Variants in ANTXR1 observed in about 807,000 individuals in gnomAD.
ANTXR1 encodes anthrax toxin receptor 1.
Under a neutral mutation model 78.1 loss-of-function variants are expected in ANTXR1, and 19 were observed. That is an observed-to-expected ratio of 0.24 (90% CI 0.17 to 0.36). The LOEUF (loss-of-function observed/expected upper bound fraction) is 0.36, where lower values mean the gene tolerates loss of function less well. Among genes scored for constraint, ANTXR1 ranks in the 10% least tolerant of loss-of-function variants. ANTXR1 has a pLI of 1.00. For missense variants in ANTXR1, 518 were observed against 718.6 expected, an observed-to-expected ratio of 0.72 and a Z score of 3.19; for synonymous variants, 273 against 260.5, an observed-to-expected ratio of 1.05 and a Z score of -0.46.
intron 3 of ANTXR1, among the ~76,000 whole-genome samples, chr2:69,068,672 A>G (rs1299810895): frequency 6.6e-6 from 1 of 152,150 alleles, no homozygotes; most frequent in African/African-American, 2.4e-5. Context: ...CCCAGGTGTA[A>G]TGGGTTGGTG....
intron 13 of ANTXR1, among the ~76,000 whole-genome samples, chr2:69,158,742 T>A (rs1673596675): frequency 6.6e-6 from 1 of 152,262 alleles, no homozygotes; most frequent in South Asian, 2.1e-4. Context: ...TAGACTGATG[T>A]CAGTGTTCTG....
intron 10 of ANTXR1, among the ~76,000 whole-genome samples, chr2:69,117,641 A>G (rs1672192223): frequency 1.3e-5 from 2 of 152,344 alleles, no homozygotes; most frequent in South Asian, 4.1e-4. Context: ...CTCTGATTTT[A>G]AACCATACAT....
chr2:69,029,777 G>A (rs1573785935), intron 1 of ANTXR1, among the ~76,000 whole-genome samples: 1 of 151,924 alleles, frequency 6.6e-6, no homozygotes, highest in East Asian at 1.9e-4. Flanking sequence ...CATCGGAATG[G>A]AAAATATATG....
intron 10 of ANTXR1, among the ~76,000 whole-genome samples, chr2:69,110,650 G>A (rs1013474911): frequency 6.6e-6 from 1 of 152,196 alleles, no homozygotes; most frequent in African/African-American, 2.4e-5. Flanking sequence ...CAAGGTCTCC[G>A]GAGATGGAGA....
chr2:69,082,336 C>G (rs1392622779), intron 8 of ANTXR1, among the ~76,000 whole-genome samples: 1 of 152,190 alleles, frequency 6.6e-6, no homozygotes, highest in Admixed American at 6.5e-5. Flanking sequence ...AGCACCACGA[C>G]AGTTTTCCCA....
chr2:69,066,322 G>C (rs946156978), intron 3 of ANTXR1, among the ~76,000 whole-genome samples: 3 of 151,756 alleles, frequency 2.0e-5, no homozygotes, highest in Non-Finnish European at 4.4e-5. Flanking sequence ...TAGAGACGGA[G>C]TTTTGCTCTT....
chr2:69,093,809 A>G (rs1481026005), intron 9 of ANTXR1, among the ~76,000 whole-genome samples: 1 of 152,222 alleles, frequency 6.6e-6, no homozygotes, highest in Non-Finnish European at 1.5e-5. Context: ...TACATATTTT[A>G]TAAGCAAACA....
chr2:69,085,281 G>T (rs952454937), intron 8 of ANTXR1, among the ~76,000 whole-genome samples: 6 of 152,116 alleles, frequency 3.9e-5, no homozygotes, highest in African/African-American at 1.4e-4. Context: ...CAAGAAAAGG[G>T]GTTGAGGCCT....
intron 10 of ANTXR1, among the ~76,000 whole-genome samples, chr2:69,104,274 AAAG>A (rs879649607): frequency 3.3e-5 from 5 of 152,120 alleles, no homozygotes; most frequent in South Asian, 2.1e-4. Flanking sequence ...TCTTGTTTTT[AAAG>A]AAGAAGAATT....
intron 6 of ANTXR1, 141 bp downstream of exon 6, chr2:69,073,242 A>C: frequency 2.7e-6 from 2 of 743,906 alleles, no homozygotes; most frequent in Non-Finnish European, 4.6e-6. Flanking sequence ...AAGTAGAAAT[A>C]ATAATAATAA....
intron 17 of ANTXR1, among the ~76,000 whole-genome samples, chr2:69,219,677 C>T (rs186794644): frequency 1.9e-4 from 29 of 152,222 alleles, no homozygotes; most frequent in African/African-American, 5.5e-4. Context: ...ATGTTATCAA[C>T]GTATATTAAA....
At chr2:69,032,779 G>A (rs748223655) in intron 1 of ANTXR1, among the ~76,000 whole-genome samples, 2 of 152,110 alleles carry the variant, frequency 1.3e-5, no homozygotes, top group African/African-American at 2.4e-5. Flanking sequence ...GTGTGCATGT[G>A]CCTGTCGAAA....
chr2:69,204,979 A>G (rs938398542), intron 17 of ANTXR1, among the ~76,000 whole-genome samples: 1 of 152,136 alleles, frequency 6.6e-6, no homozygotes, highest in African/African-American at 2.4e-5. Flanking sequence ...CAGTTAATAC[A>G]TCCTGAGCTC....
At chr2:69,091,296 C>T (rs994067019) in intron 9 of ANTXR1, among the ~76,000 whole-genome samples, 2 of 151,580 alleles carry the variant, frequency 1.3e-5, no homozygotes, top group Non-Finnish European at 2.9e-5. Context: ...AAAAAATTAG[C>T]CAGGTGTGAT....
chr2:69,192,689 G>C (rs192203861), intron 16 of ANTXR1, among the ~76,000 whole-genome samples: 90 of 152,342 alleles, frequency 5.9e-4, no homozygotes, highest in Non-Finnish European at 1.2e-4. Flanking sequence ...TTGGTCATCA[G>C]TTGTGAAAGC....
chr2:69,095,181 C>T (rs1412132090), intron 9 of ANTXR1, among the ~76,000 whole-genome samples: 1 of 152,076 alleles, frequency 6.6e-6, no homozygotes, highest in Non-Finnish European at 1.5e-5. Context: ...TCTTTCATTT[C>T]CTTCTTTCCT....
At chr2:69,030,583 C>A (rs1671499874) in intron 1 of ANTXR1, among the ~76,000 whole-genome samples, 1 of 152,118 alleles carries the variant, frequency 6.6e-6, no homozygotes, top group African/African-American at 2.4e-5. Flanking sequence ...TTTTTGACTG[C>A]TGAAGATAAA....
intron 17 of ANTXR1, among the ~76,000 whole-genome samples, chr2:69,243,107 C>A (rs1558670313): frequency 1.3e-5 from 2 of 152,212 alleles, no homozygotes; most frequent in Admixed American, 1.3e-4. Flanking sequence ...AACTCCTAAA[C>A]CAATTGCAGT....
intron 12 of ANTXR1, 21 bp from the exon 13 acceptor site, chr2:69,152,148 G>T: frequency 6.2e-7 from 1 of 1,611,708 alleles, no homozygotes; most frequent in Non-Finnish European, 8.5e-7. Flanking sequence ...GCTGCTGACC[G>T]CCTCTCTCTT....
Sources: allele counts gnomAD v4.1 joint callset (sites outside exome capture counted in the v4.1 genomes callset), GRCh38; gene constraint gnomAD v4.1.1; transcripts MANE v1.5; gene names NCBI Gene and HGNC (gene_info 2026-07-23, HGNC 2026-07-21).